Variants in APBA2 observed in about 807,000 individuals in gnomAD.
The protein encoded by APBA2 is amyloid beta precursor protein binding family A member 2.
In APBA2, 30 loss-of-function variants were observed where a neutral mutation model predicts 75.0. The ratio of observed to expected loss-of-function variants is 0.40; its 90% CI spans 0.30 to 0.54. APBA2 has a LOEUF of 0.54. Among genes scored for constraint, APBA2 ranks in the 20% least tolerant of loss-of-function variants. APBA2 has a pLI of 0.49. For synonymous variants in APBA2, 444 were observed against 409.6 expected, an observed-to-expected ratio of 1.08 and a Z score of -1.01; for missense variants, 801 against 1,016.1, an observed-to-expected ratio of 0.79 and a Z score of 2.88.
chr15:29,116,112 A>C (rs925273852), intron 14 of APBA2, among the ~76,000 whole-genome samples: 11 of 152,128 alleles, frequency 7.2e-5, no homozygotes, highest in Non-Finnish European at 1.5e-4. Flanking sequence ...CAGTGTCCGC[A>C]AAGAAGGATT....
chr15:29,061,213 T>C (rs970548887), intron 4 of APBA2, among the ~76,000 whole-genome samples: 3 of 152,158 alleles, frequency 2.0e-5, no homozygotes, highest in African/African-American at 7.2e-5. Context: ...ACGGATTGTT[T>C]TGGAGCCCCA....
intron 1 of APBA2, among the ~76,000 whole-genome samples, chr15:28,916,416 G>C (rs1304473087): frequency 6.6e-6 from 1 of 152,222 alleles, no homozygotes; most frequent in Non-Finnish European, 1.5e-5. Flanking sequence ...TTATATTGCT[G>C]CTGAATATTA....
Position 29,054,640 on chromosome 15 carries a change from TGGGCCTGAGCCA to T in APBA2, c.766_777del (p.Pro256_Glu259del), listed in dbSNP as rs767995087. 7 of 1,614,000 alleles carry T rather than the reference TGGGCCTGAGCCA, an allele frequency of 4.3e-6. No homozygotes were observed. In the East Asian group the frequency reaches 6.7e-5, roughly 15 times the overall value. ...GCGCCAGTGAGGCCAGCCCCGAGCA[TGGGCCTGAGCCA>T]GGGCCTGAGGACTCTGTAGAGGCCT... is the stretch of plus-strand genomic sequence containing the variant. On this transcript the variant is annotated inframe_deletion, in exon 4 of 15. Coordinates refer to ENST00000683413, the MANE Select transcript of APBA2 (RefSeq NM_001353788.2). This position sits in a 1 kb window ranked among gnomAD's most constrained non-coding sequence, Gnocchi z 6.1.
chr15:28,943,679 T>C (rs76124830), intron 2 of APBA2, among the ~76,000 whole-genome samples: 2,904 of 152,184 alleles, frequency 0.019, 46 homozygotes, highest in Non-Finnish European at 0.028. Flanking sequence ...GTTCTGGGCC[T>C]CCTCCATCAG....
At chr15:29,099,626 G>A (rs549655672) in intron 9 of APBA2, among the ~76,000 whole-genome samples, 1 of 152,256 alleles carries the variant, frequency 6.6e-6, no homozygotes. Flanking sequence ...GTCAGTTCGG[G>A]TGCTGGGTAC....
chr15:29,070,297 C>T (rs114022571), intron 4 of APBA2, among the ~76,000 whole-genome samples: 2,256 of 152,246 alleles, frequency 0.015, 71 homozygotes, highest in African/African-American at 0.05. Flanking sequence ...AGGTAGATAG[C>T]GAATAATTTT....
At chr15:29,107,748 C>G (rs1325756586) in intron 12 of APBA2, among the ~76,000 whole-genome samples, 1 of 152,166 alleles carries the variant, frequency 6.6e-6, no homozygotes, top group East Asian at 1.9e-4. Context: ...CCCACCGGAC[C>G]CCGGCGGCCT....
intron 1 of APBA2, among the ~76,000 whole-genome samples, chr15:28,895,308 G>C (rs1459649108): frequency 1.3e-5 from 2 of 152,110 alleles, no homozygotes; most frequent in African/African-American, 2.4e-5. Flanking sequence ...CACGCAGGCT[G>C]TCCTTACGGG....
chr15:29,027,133 C>T (rs995033735), intron 3 of APBA2, among the ~76,000 whole-genome samples: 2 of 152,166 alleles, frequency 1.3e-5, no homozygotes, highest in Non-Finnish European at 2.9e-5. Context: ...AAGATCTTTG[C>T]CTCTCTCATG....
intron 1 of APBA2, among the ~76,000 whole-genome samples, chr15:28,905,977 C>G (rs955077017): frequency 5.3e-5 from 8 of 152,066 alleles, no homozygotes; most frequent in Non-Finnish European, 1.2e-4. Flanking sequence ...TCAGTGCCCA[C>G]AAGGATAATC....
At position 29,105,371 on chromosome 15, in the gene APBA2, C is replaced by G. The variant is rs887930105; in HGVS notation, c.1525-8C>G. The G allele has an allele frequency of 8.1e-6, 13 of 1,609,620 alleles. No individual in the cohort carries two copies. The Middle Eastern group carries it at 5.0e-4, about 61-fold the overall frequency. ...TGCCTGTCTCCAGCTGGCCTGCCCT[C>G]TGCACAGGCCCAGCTCATCGCCCAG... is the stretch of plus-strand genomic sequence containing the variant. On this transcript the variant is annotated splice_region_variant and splice_polypyrimidine_tract_variant and intron_variant, in intron 10 of 14. Transcript: ENST00000683413.
chr15:29,024,854 A>G (rs2152835284), intron 3 of APBA2, among the ~76,000 whole-genome samples: 1 of 152,306 alleles, frequency 6.6e-6, no homozygotes, highest in South Asian at 2.1e-4. Context: ...ATGGTGAGTC[A>G]GAGGAACACA....
intron 2 of APBA2, among the ~76,000 whole-genome samples, chr15:28,957,318 G>A (rs1268781009): frequency 2.6e-5 from 4 of 152,054 alleles, no homozygotes; most frequent in South Asian, 2.1e-4. Context: ...CTCGTGATCC[G>A]CCCGCCTCGG....
intron 2 of APBA2, among the ~76,000 whole-genome samples, chr15:28,934,463 A>C (rs2034737700): frequency 1.3e-5 from 2 of 152,072 alleles, no homozygotes; most frequent in African/African-American, 4.8e-5. Context: ...TGAAAAGGGA[A>C]AACTTTAGAG....
At chr15:28,943,504 T>C (rs16955785) in intron 2 of APBA2, among the ~76,000 whole-genome samples, 3,358 of 152,338 alleles carry the variant, frequency 0.022, 122 homozygotes, top group African/African-American at 0.077. Flanking sequence ...CAAGTGCAGT[T>C]AATCCTGTTC....
chr15:29,050,455 T>C (rs2041542643), intron 3 of APBA2, among the ~76,000 whole-genome samples: 1 of 152,204 alleles, frequency 6.6e-6, no homozygotes, highest in African/African-American at 2.4e-5. Context: ...ATGAATTGAG[T>C]AATTATAGTC....
intron 3 of APBA2, among the ~76,000 whole-genome samples, chr15:29,050,143 T>C (rs1228627463): frequency 6.6e-6 from 1 of 152,196 alleles, no homozygotes; most frequent in Admixed American, 6.5e-5. Context: ...ACGGAAGGAA[T>C]AGATTTTTGT....
At chr15:28,913,004 C>T (rs1377260086) in intron 1 of APBA2, among the ~76,000 whole-genome samples, 1 of 152,216 alleles carries the variant, frequency 6.6e-6, no homozygotes, top group Non-Finnish European at 1.5e-5. Flanking sequence ...AGCTTGCATT[C>T]TAGTATTCTA....
At chr15:29,017,515 G>C (rs1395970511) in intron 3 of APBA2, among the ~76,000 whole-genome samples, 1 of 148,804 alleles carries the variant, frequency 6.7e-6, no homozygotes, top group Non-Finnish European at 1.5e-5. Flanking sequence ...GATTACAGGA[G>C]CCCGCCACTG....
Sources: allele counts gnomAD v4.1 joint callset (sites outside exome capture counted in the v4.1 genomes callset), GRCh38; gene constraint gnomAD v4.1.1; non-coding constraint Gnocchi (gnomAD v3.1); transcripts MANE v1.5; gene names NCBI Gene and HGNC (gene_info 2026-07-23, HGNC 2026-07-21).